The following POSTN variants were observed in gnomAD, a reference collection of about 807,000 sequenced individuals.
POSTN encodes osteoblast specific factor 2 (fasciclin I-like).
POSTN carries 71 observed loss-of-function variants against 104.5 expected under a neutral mutation model. The ratio of observed to expected loss-of-function variants is 0.68; its 90% CI spans 0.56 to 0.83. The LOEUF is 0.83. Among genes scored for constraint, POSTN ranks in the 40% least tolerant of loss-of-function variants. The pLI is 0.00. For synonymous variants in POSTN, 355 were observed against 340.7 expected, an observed-to-expected ratio of 1.04 and a Z score of -0.46; for missense variants, 949 against 1,006.8, an observed-to-expected ratio of 0.94 and a Z score of 0.78.
At chr13:37,576,298 T>G (rs1190792640) in intron 16 of POSTN, among the ~76,000 whole-genome samples, 2 of 152,062 alleles carry the variant, frequency 1.3e-5, no homozygotes, top group African/African-American at 4.8e-5. Flanking sequence ...TTATCTTTAC[T>G]TCTACTTTAA....
chr13:37,577,974 A>C (rs1330124867), intron 15 of POSTN, among the ~76,000 whole-genome samples, 176 bp from the exon 16 acceptor site: 1 of 151,214 alleles, frequency 6.6e-6, no homozygotes, highest in East Asian at 1.9e-4. Context: ...CAGAGGGCAT[A>C]AAAATCATTG....
At chr13:37,587,427 T>C (rs1273108583) in intron 5 of POSTN, among the ~76,000 whole-genome samples, 3 of 152,202 alleles carry the variant, frequency 2.0e-5, no homozygotes, top group Non-Finnish European at 4.4e-5. Context: ...TATGACCCTG[T>C]TGGCAGTTTC....
At position 37,563,207 on chromosome 13, in the gene POSTN, A is replaced by T; in HGVS notation, c.*126T>A. The T allele has an allele frequency of 1.9e-6, 1 of 514,632 alleles. No individual in the cohort carries two copies. 31.9% of individuals were successfully genotyped at this position (514,632 alleles called of 1,614,324 possible). On this transcript the variant is annotated 3_prime_UTR_variant, in exon 23 of 23. Transcript: ENST00000379747. The stretch of plus-strand genomic sequence containing the variant: ...AAAAAATATTAAATTTGTGTTCAGA[A>T]TTATTTGATGATTGCTTCTTTGTGC...
chr13:37,583,141 C>T (rs539853392), intron 9 of POSTN, among the ~76,000 whole-genome samples: 38 of 152,082 alleles, frequency 2.5e-4, no homozygotes, highest in African/African-American at 8.4e-4. Flanking sequence ...TGAGAAAGGT[C>T]GAAGGTTGCA....
In POSTN at chr13:37,584,726, A is replaced by G; in HGVS notation, c.1098T>C (p.Ile366=). 6.2e-7 allele frequency: 1 copy of G among 1,612,752 alleles called. No homozygotes were observed. The highest frequency in any genetic ancestry group is 2.2e-5 in the East Asian group (1 of 44,838). ...AAAAAAGTTGCTTACCAGAATCAGG[A>G]ATTAGGACCTGATCAATCAAATGGA... ...GVIHLIDQVL[I]PDSAKQVIEL... is the part of the protein sequence containing the mutation. Residue 366 remains isoleucine, a synonymous_variant, in exon 8 of 23, where the codon ATT becomes ATC. Coordinates refer to ENST00000379747, the MANE Select transcript of POSTN (RefSeq NM_006475.3).
intron 1 of POSTN, among the ~76,000 whole-genome samples, 163 bp downstream of exon 1, chr13:37,598,445 T>C (rs1404530880): frequency 1.3e-5 from 2 of 152,102 alleles, no homozygotes; most frequent in South Asian, 2.1e-4. Flanking sequence ...TAAAAGTGCA[T>C]AGATAAATCA....
At chr13:37,569,061 A>T in intron 21 of POSTN, 1 of 298,090 alleles carries the variant, frequency 3.4e-6, no homozygotes, top group Non-Finnish European at 6.1e-6. Flanking sequence ...AGCAAAAAAA[A>T]TATTCATTGC....
chr13:37,584,935 A>G lies in POSTN; in HGVS notation c.896-7T>C. On this transcript the variant is annotated splice_polypyrimidine_tract_variant and splice_region_variant and intron_variant, in intron 7 of 22. Coordinates refer to ENST00000379747, the MANE Select transcript of POSTN (RefSeq NM_006475.3). ...ATGTGGTACTTCATAAGAGCTGGAG[A>G]ACACAATAAAAACAGGTAGCTTTCA... The G allele has an allele frequency of 6.2e-7, 1 of 1,613,108 alleles. No individual in the cohort carries two copies. The highest frequency in any genetic ancestry group is 8.5e-7 in the Non-Finnish European group (1 of 1,179,738).
chr13:37,574,768 T>C (rs966079866), intron 16 of POSTN, 116 bp from the exon 17 acceptor site: 25 of 1,306,148 alleles, frequency 1.9e-5, no homozygotes, highest in Non-Finnish European at 2.1e-5. Context: ...CAGGATGTGG[T>C]AATATGTTCA....
chr13:37,575,215 A>G (rs1194394173), intron 16 of POSTN, among the ~76,000 whole-genome samples: 1 of 151,952 alleles, frequency 6.6e-6, no homozygotes, highest in East Asian at 1.9e-4. Flanking sequence ...AACAAACATG[A>G]TATGATCAGT....
At position 37,583,987 on chromosome 13, in the gene POSTN, C is replaced by G; in HGVS notation, c.1225G>C (p.Val409Leu). 6.2e-7 allele frequency: 1 copy of G among 1,613,736 alleles called. No homozygotes were observed. The highest frequency in any genetic ancestry group is 8.5e-7 in the Non-Finnish European group (1 of 1,179,822). Residue 409 changes from valine (V) to leucine (L), a missense_variant, in exon 9 of 23, where the codon GTG becomes CTG. Coordinates refer to ENST00000379747, the MANE Select transcript of POSTN (RefSeq NM_006475.3). ...PDGEYTLLAP[V>L]NNAFSDDTLS... ...CACATACCAGAAAATGCATTATTCA[C>G]AGGTGCCAGCAAAGTGTATTCTCCA...
At position 37,563,258 on chromosome 13, in the gene POSTN, T is replaced by C; in HGVS notation, c.*75A>G. 1.0e-6 allele frequency: 1 copy of C among 962,112 alleles called. No homozygotes were observed. The highest frequency in any genetic ancestry group is 1.6e-6 in the Non-Finnish European group (1 of 630,870). The allele number at this position is 962,112 out of a possible 1,614,324, so 59.6% of individuals were successfully genotyped here. On this transcript the variant is annotated 3_prime_UTR_variant, in exon 23 of 23. Coordinates refer to ENST00000379747, the MANE Select transcript of POSTN (RefSeq NM_006475.3). Reference sequence around the variant, plus strand: ...TGATGTTTCAGTTCCTGAAGTCAACTTGGCTCTCACAATTTTCTAAGGTCA... The same window carrying C: ...TGATGTTTCAGTTCCTGAAGTCAACCTGGCTCTCACAATTTTCTAAGGTCA...
intron 4 of POSTN, among the ~76,000 whole-genome samples, chr13:37,589,524 G>T (rs1404662551): frequency 1.3e-5 from 2 of 151,960 alleles, no homozygotes; most frequent in Admixed American, 1.3e-4. Context: ...ACAGTCCCTG[G>T]TGTGTGATAT....
Position 37,597,299 on chromosome 13 carries a change from A to G in POSTN, c.120-17T>C, listed in dbSNP as rs745516773. 1.8e-5 allele frequency: 27 copies of G among 1,525,246 alleles called. No homozygotes were observed. The South Asian group carries it at 2.8e-4, about 16-fold the overall frequency. The allele number at this position is 1,525,246 out of a possible 1,614,324, so 94.5% of individuals were successfully genotyped here. A position where few individuals can be genotyped will look rare whatever the true frequency, so the allele number is the denominator to read the frequency against. On this transcript the variant is annotated splice_polypyrimidine_tract_variant and intron_variant, in intron 1 of 22. Coordinates refer to ENST00000379747, the MANE Select transcript of POSTN (RefSeq NM_006475.3). Reference sequence around the variant, plus strand: ...ACATTTGGGCTGGAGGATAGAGGGAAAGGAAAAAAGTTAATGTCCTAATAA... The same window carrying G: ...ACATTTGGGCTGGAGGATAGAGGGAGAGGAAAAAAGTTAATGTCCTAATAA...
intron 2 of POSTN, among the ~76,000 whole-genome samples, chr13:37,595,955 C>T (rs1593373544): frequency 1.3e-5 from 2 of 151,800 alleles, no homozygotes; most frequent in East Asian, 1.9e-4. Context: ...CCTGCCACCA[C>T]ATCCGGCTAA....
At chr13:37,589,111 CAT>C (rs531021344) in intron 4 of POSTN, among the ~76,000 whole-genome samples, 6 of 152,128 alleles carry the variant, frequency 3.9e-5, no homozygotes, top group African/African-American at 1.4e-4. Context: ...AAGAAAATTG[CAT>C]ATGTTTTAGA....
At chr13:37,580,476 C>A in intron 11 of POSTN, 85 bp downstream of exon 11, 1 of 1,435,526 alleles carries the variant, frequency 7.0e-7, no homozygotes. Context: ...ACATAGGAGA[C>A]TGAATGCCTT....
chr13:37,578,986 C>G, intron 14 of POSTN, 33 bp downstream of exon 14: 2 of 1,602,548 alleles, frequency 1.2e-6, no homozygotes, highest in East Asian at 2.2e-5. Flanking sequence ...TAAAAAAAGA[C>G]TTAGCCTATC....
chr13:37,575,616 A>C (rs898707586), intron 16 of POSTN, among the ~76,000 whole-genome samples: 2 of 152,176 alleles, frequency 1.3e-5, no homozygotes, highest in African/African-American at 4.8e-5. Flanking sequence ...GTTCTATTAG[A>C]TAACGGGCCA....
Sources: allele counts gnomAD v4.1 joint callset (sites outside exome capture counted in the v4.1 genomes callset), GRCh38; gene constraint gnomAD v4.1.1; transcripts MANE v1.5; gene names NCBI Gene and HGNC (gene_info 2026-07-23, HGNC 2026-07-21).